The following SBF2 variants were observed in gnomAD, a reference collection of about 807,000 sequenced individuals.
SBF2 encodes SET binding factor 2.
Under a neutral mutation model 225.2 loss-of-function variants are expected in SBF2, and 112 were observed. The observed-to-expected ratio is 0.50, with a 90% confidence interval of 0.43 to 0.58. The LOEUF is 0.58. Among genes scored for constraint, SBF2 ranks in the 20% least tolerant of loss-of-function variants. The pLI is 0.00. For synonymous variants in SBF2, 763 were observed against 773.3 expected, an observed-to-expected ratio of 0.99 and a Z score of 0.22; for missense variants, 1,996 against 2,206.2, an observed-to-expected ratio of 0.90 and a Z score of 1.91.
In SBF2 at chr11:10,220,343, C is replaced by T. The variant is rs377295477; in HGVS notation, c.56-26356G>A. Among the ~76,000 whole-genome samples, 56 of 152,258 alleles carry T rather than the reference C, an allele frequency of 3.7e-4. No homozygotes were observed. In the East Asian group the frequency reaches 8.9e-3, roughly 24 times the overall value. On this transcript the variant is annotated intron_variant, in intron 1 of 39. Coordinates refer to ENST00000256190, the MANE Select transcript of SBF2 (RefSeq NM_030962.4). ...CCCACCGGGACCCTCTGATGACACACGAGAATTATGAGAGCTACAATTCAA... is the reference window on the plus strand; with the variant it reads ...CCCACCGGGACCCTCTGATGACACATGAGAATTATGAGAGCTACAATTCAA...
intron 1 of SBF2, among the ~76,000 whole-genome samples, chr11:10,289,079 G>A (rs1963988634): frequency 1.3e-5 from 2 of 152,342 alleles, no homozygotes; most frequent in Admixed American, 1.3e-4. Flanking sequence ...AAGTCCAGAG[G>A]GGGCTGAGGA....
chr11:9,887,004 GGACATCAA>G (rs1322312300), intron 17 of SBF2, among the ~76,000 whole-genome samples: 1 of 152,014 alleles, frequency 6.6e-6, no homozygotes, highest in African/African-American at 2.4e-5. Context: ...TGGTAGCATA[GGACATCAA>G]TGTCTACTGA....
At chr11:10,040,472 G>A (rs1216067568) in intron 3 of SBF2, among the ~76,000 whole-genome samples, 1 of 151,774 alleles carries the variant, frequency 6.6e-6, no homozygotes, top group African/African-American at 2.4e-5. Flanking sequence ...TATAGACAAA[G>A]GCAGCACAAG....
chr11:9,922,305 G>A (rs184495992), intron 16 of SBF2, among the ~76,000 whole-genome samples: 61 of 152,110 alleles, frequency 4.0e-4, no homozygotes, highest in African/African-American at 1.3e-3. Context: ...CACGAGTGAG[G>A]CATATTTTAG....
intron 29 of SBF2, among the ~76,000 whole-genome samples, chr11:9,813,757 C>T (rs574448387): frequency 7.9e-5 from 12 of 152,238 alleles, no homozygotes; most frequent in Non-Finnish European, 1.5e-4. Context: ...GCCTGGCCAA[C>T]ACGGTGAAAT....
At chr11:9,959,954 G>T in intron 16 of SBF2, 2 of 301,994 alleles carry the variant, frequency 6.6e-6, no homozygotes, top group Admixed American at 4.1e-5. Flanking sequence ...TTTCAAGTTA[G>T]GTTGTCTTTT....
At chr11:9,834,146 G>A (rs1855594026) in intron 26 of SBF2, among the ~76,000 whole-genome samples, 7 of 151,342 alleles carry the variant, frequency 4.6e-5, no homozygotes, top group Middle Eastern at 3.4e-3. Flanking sequence ...AGGCTGGAGT[G>A]CAATGGTGCG....
chr11:9,819,120 G>A (rs146384001), intron 28 of SBF2: 246 of 152,326 alleles, frequency 1.6e-3, no homozygotes, highest in African/African-American at 5.6e-3. Context: ...GAATGCAGAT[G>A]AGAATAAAGG....
chr11:10,043,221 A>G (rs1270431610), intron 2 of SBF2, among the ~76,000 whole-genome samples: 1 of 152,198 alleles, frequency 6.6e-6, no homozygotes, highest in East Asian at 1.9e-4. Flanking sequence ...TCTGGGTGCC[A>G]TTTCTGAGAC....
At chr11:9,803,979 G>A (rs1853641230) in intron 32 of SBF2, among the ~76,000 whole-genome samples, 1 of 152,192 alleles carries the variant, frequency 6.6e-6, no homozygotes, top group Non-Finnish European at 1.5e-5. Context: ...AGGGCACAGA[G>A]GCCCAAGTAT....
At chr11:10,061,994 A>G (rs1044637219) in intron 2 of SBF2, among the ~76,000 whole-genome samples, 2 of 152,102 alleles carry the variant, frequency 1.3e-5, no homozygotes, top group African/African-American at 4.8e-5. Context: ...ACAAGCACAG[A>G]CACACAGACC....
In SBF2 at chr11:10,270,994, C is replaced by CAAAAA. The variant is rs1180184303; in HGVS notation, c.55+23016_55+23020dup. 2.9e-3 allele frequency among the ~76,000 whole-genome samples: 79 copies of CAAAAA among 27,682 alleles called. 1 individual carries two copies. Among genetic ancestry groups the CAAAAA allele is most frequent in the African/African-American group, 8.9e-3 (70 of 7,826 alleles). The allele number at this position is 27,682 out of a possible 152,430, so 18.2% of individuals were successfully genotyped here. ...TGGGCGACAGAGCAAGACTCTGTCTCAAAAAAAAAAAAAAAAAAAAAAAAA... is the reference window on the plus strand; with the variant it reads ...TGGGCGACAGAGCAAGACTCTGTCTCAAAAAAAAAAAAAAAAAAAAAAAAAAAAAA... On this transcript the variant is annotated intron_variant, in intron 1 of 39. Transcript: ENST00000256190.
intron 1 of SBF2, among the ~76,000 whole-genome samples, chr11:10,291,302 T>C (rs1034869294): frequency 9.2e-5 from 14 of 152,124 alleles, no homozygotes; most frequent in Admixed American, 9.2e-4. Flanking sequence ...AGAGAGCTCA[T>C]TTGACCCTTA....
intron 2 of SBF2, among the ~76,000 whole-genome samples, chr11:10,128,124 A>C (rs567508199): frequency 1.3e-5 from 2 of 152,328 alleles, no homozygotes; most frequent in African/African-American, 4.8e-5. Flanking sequence ...TTGAATTATA[A>C]ATGAAACTCG....
intron 6 of SBF2, 71 bp from the exon 7 acceptor site, chr11:10,002,760 A>C: frequency 1.4e-6 from 2 of 1,455,464 alleles, no homozygotes; most frequent in Non-Finnish European, 1.9e-6. Context: ...CATAGACAGT[A>C]TACACGGAAA....
At chr11:9,801,861 G>C (rs1853510865) in intron 32 of SBF2, among the ~76,000 whole-genome samples, 5 of 152,166 alleles carry the variant, frequency 3.3e-5, no homozygotes. Context: ...CCTGTGTGGG[G>C]GCAGCTTAGC....
In SBF2 at chr11:10,074,930, T is replaced by C. The variant is rs555286553; in HGVS notation, c.142-31949A>G. ...GTCTGGAATGGTTAAGATATAATAG[T>C]TTAAAAGTTACAGAAAAATATATTA... On this transcript the variant is annotated intron_variant, in intron 2 of 39. Transcript: ENST00000256190. Among the ~76,000 whole-genome samples the C allele has an allele frequency of 8.5e-5, 13 of 152,340 alleles. No homozygotes were observed. In the South Asian group the frequency reaches 2.7e-3, roughly 32 times the overall value.
chr11:10,131,456 C>A, intron 2 of SBF2, among the ~76,000 whole-genome samples: 1 of 151,904 alleles, frequency 6.6e-6, no homozygotes, highest in Admixed American at 6.6e-5. Context: ...TATATATTCT[C>A]TTGTTTTGCT....
At chr11:10,190,387 G>A (rs1035929738) in intron 2 of SBF2, among the ~76,000 whole-genome samples, 1 of 152,148 alleles carries the variant, frequency 6.6e-6, no homozygotes. Flanking sequence ...AAAAGCACAA[G>A]AGAAAGATAA....
Sources: gnomAD v4.1 joint callset for allele counts (sites outside exome capture counted in the v4.1 genomes callset) on GRCh38, gnomAD v4.1.1 for gene constraint, MANE v1.5 for transcripts, NCBI Gene and HGNC (gene_info 2026-07-23, HGNC 2026-07-21) for gene names.